ELMO1: variants seen among roughly 807,000 people sequenced by gnomAD.
ELMO1 encodes the protein engulfment and cell motility 1.
In ELMO1, 26 loss-of-function variants were observed where a neutral mutation model predicts 98.9. The ratio of observed to expected loss-of-function variants is 0.26; its 90% CI spans 0.19 to 0.36. The LOEUF is 0.36. Ranked by LOEUF, ELMO1 falls within the 10% of genes least tolerant of loss-of-function variation. ELMO1 has a pLI of 1.00. For missense variants in ELMO1, 627 were observed against 935.2 expected, an observed-to-expected ratio of 0.67 and a Z score of 4.30; for synonymous variants, 346 against 346.0, an observed-to-expected ratio of 1.00 and a Z score of 0.00.
rs1401451691 is a variant in ELMO1 at position 36,861,521 on chromosome 7, C to T, written c.1983+138G>A. 1.2e-5 allele frequency: 11 copies of T among 918,592 alleles called. No individual in the cohort carries two copies. The Admixed American group carries it at 1.8e-4, about 15-fold the overall frequency. 56.9% of individuals were successfully genotyped at this position (918,592 alleles called of 1,614,324 possible). ...GGCAGTTTGTCAAGAGGTTTCTATT[C>T]TCCTCCAAGTCAGCAAGATGCCCCT... On this transcript the variant is annotated intron_variant, in intron 21 of 21. Transcript: ENST00000310758.
chr7:37,044,005 C>T (rs1315642074), intron 15 of ELMO1, among the ~76,000 whole-genome samples: 4 of 152,158 alleles, frequency 2.6e-5, no homozygotes, highest in Admixed American at 2.6e-4. Context: ...GTCAGACAGA[C>T]TCAACGAGGA....
At chr7:37,231,038 C>T (rs1222085965) in intron 8 of ELMO1, among the ~76,000 whole-genome samples, 3 of 152,168 alleles carry the variant, frequency 2.0e-5, no homozygotes, top group South Asian at 4.1e-4. Context: ...GCAATTCATA[C>T]CACTGATAAA....
intron 16 of ELMO1, among the ~76,000 whole-genome samples, chr7:36,895,690 A>G (rs1805939959): frequency 6.6e-6 from 1 of 152,232 alleles, no homozygotes; most frequent in Non-Finnish European, 1.5e-5. Context: ...GCTAGCCCAC[A>G]AGGAGGCAAT....
Position 37,201,761 on chromosome 7 carries a change from C to T in ELMO1, c.1086+9625G>A, listed in dbSNP as rs138857911. Among the ~76,000 whole-genome samples, 415 of 152,334 alleles carry T rather than the reference C, an allele frequency of 2.7e-3. 4 individuals carry two copies. Among genetic ancestry groups the T allele is most frequent in the Non-Finnish European group, 4.0e-3 (272 of 68,022 alleles). ...CTGAGAGCCAATGGCTGTGTGTTTG[C>T]GCCATCTGGTGGCTATTTCTGCTCT... On this transcript the variant is annotated intron_variant, in intron 13 of 21. Coordinates refer to ENST00000310758, the MANE Select transcript of ELMO1 (RefSeq NM_014800.11).
chr7:36,911,608 A>T (rs1183728734), intron 16 of ELMO1, among the ~76,000 whole-genome samples: 2 of 152,302 alleles, frequency 1.3e-5, no homozygotes, highest in African/African-American at 4.8e-5. Context: ...GCACAGAGAA[A>T]TGATGCTGTT....
chr7:37,020,400 T>C (rs561630322), intron 15 of ELMO1, among the ~76,000 whole-genome samples: 5 of 152,364 alleles, frequency 3.3e-5, no homozygotes, highest in Admixed American at 2.0e-4. Context: ...AGAGTGGTAT[T>C]TGATAGGTTT....
At chr7:36,963,497 C>T (rs1261290037) in intron 16 of ELMO1, among the ~76,000 whole-genome samples, 1 of 152,130 alleles carries the variant, frequency 6.6e-6, no homozygotes, top group Non-Finnish European at 1.5e-5. Context: ...TAGTGTGATA[C>T]TCCCCTCACA....
At chr7:37,143,398 T>G (rs1462637778) in intron 13 of ELMO1, among the ~76,000 whole-genome samples, 1 of 152,174 alleles carries the variant, frequency 6.6e-6, no homozygotes, top group Admixed American at 6.5e-5. Flanking sequence ...GGGCCTGAGA[T>G]CCATCTTTTT....
intron 13 of ELMO1, among the ~76,000 whole-genome samples, chr7:37,192,853 TTATA>T (rs1417392236): frequency 6.8e-6 from 1 of 146,762 alleles, no homozygotes; most frequent in African/African-American, 2.5e-5. Context: ...ACATATATAT[TTATA>T]TATAGATACA....
chr7:37,333,622 T>C (rs1349010146), intron 2 of ELMO1, among the ~76,000 whole-genome samples: 2 of 152,350 alleles, frequency 1.3e-5, no homozygotes, highest in East Asian at 3.9e-4. Context: ...TATGAGGTTA[T>C]ATAGACTCTC....
intron 1 of ELMO1, among the ~76,000 whole-genome samples, chr7:37,403,386 C>T (rs1273293679): frequency 6.6e-6 from 1 of 152,046 alleles, no homozygotes; most frequent in Admixed American, 6.5e-5. Flanking sequence ...GTGAAATCCC[C>T]CCAACTCTGA....
At position 37,431,912 on chromosome 7, in the gene ELMO1, G is replaced by A. The variant is rs140256201; in HGVS notation, c.-74+16763C>T. Among the ~76,000 whole-genome samples, 1,320 of 151,636 alleles carry A rather than the reference G, an allele frequency of 8.7e-3. 19 individuals carry two copies. The highest frequency in any genetic ancestry group is 0.028 in the African/African-American group (1,172 of 41,334). On this transcript the variant is annotated intron_variant, in intron 1 of 21. Coordinates refer to ENST00000310758, the MANE Select transcript of ELMO1 (RefSeq NM_014800.11). ...TGTTTGTTTTTTGACATGGAGTTTC[G>A]CTCTTGTTGCCCAGGCTGGAGTGCA...
intron 20 of ELMO1, among the ~76,000 whole-genome samples, chr7:36,864,854 C>T (rs1397197250): frequency 6.6e-6 from 1 of 152,208 alleles, no homozygotes; most frequent in Non-Finnish European, 1.5e-5. Context: ...AGCTTCTCTC[C>T]ATTCTCTGCT....
rs71554509 is a variant in ELMO1 at position 37,428,030 on chromosome 7, G to GGGGTGT, written c.-74+20644_-74+20645insACACCC. Among the ~76,000 whole-genome samples the GGGGTGT allele has an allele frequency of 2.4e-4, 36 of 149,898 alleles. 1 individual carries two copies. The highest frequency in any genetic ancestry group is 6.7e-4 in the African/African-American group (27 of 40,586). On this transcript the variant is annotated intron_variant, in intron 1 of 21. Transcript: ENST00000310758. ...ATCTACATGAAGGATGTATGCTTGG[G>GGGGTGT]GTGTGTGTGTGTGTGTGTGTGTGTG...
intron 13 of ELMO1, among the ~76,000 whole-genome samples, chr7:37,153,436 T>C (rs930263412): frequency 2.6e-5 from 4 of 152,250 alleles, no homozygotes; most frequent in African/African-American, 9.6e-5. Flanking sequence ...CCTGCCAAAA[T>C]ACCGTGCTTT....
intron 1 of ELMO1, among the ~76,000 whole-genome samples, chr7:37,381,071 A>G (rs35854042): frequency 0.66 from 100,750 of 152,140 alleles, 33,625 homozygotes; most frequent in African/African-American, 0.74. Flanking sequence ...CCCGTCAGGC[A>G]ACTCAAATTT....
At chr7:37,268,379 G>GT (rs1796369914) in intron 5 of ELMO1, among the ~76,000 whole-genome samples, 1 of 152,182 alleles carries the variant, frequency 6.6e-6, no homozygotes, top group African/African-American at 2.4e-5. Context: ...TCAGCTCACT[G>GT]TAACCTCCGC....
chr7:37,125,735 G>A (rs1426353802), intron 14 of ELMO1, among the ~76,000 whole-genome samples: 7 of 152,216 alleles, frequency 4.6e-5, no homozygotes, highest in African/African-American at 2.4e-5. Flanking sequence ...GGAAGACAGT[G>A]TGGTGATTCC....
At chr7:37,001,349 T>A (rs1375387917) in intron 16 of ELMO1, among the ~76,000 whole-genome samples, 1 of 152,232 alleles carries the variant, frequency 6.6e-6, no homozygotes, top group Middle Eastern at 3.2e-3. Context: ...CCATTTTTAA[T>A]GATCATTGAA....
Sources: gnomAD v4.1 joint callset for allele counts (sites outside exome capture counted in the v4.1 genomes callset) on GRCh38, gnomAD v4.1.1 for gene constraint, MANE v1.5 for transcripts, NCBI Gene and HGNC (gene_info 2026-07-23, HGNC 2026-07-21) for gene names.